The following CASC3 variants were observed in gnomAD, a reference collection of about 807,000 sequenced individuals.
CASC3 encodes the protein protein CASC3.
CASC3 carries 30 observed loss-of-function variants against 80.5 expected under a neutral mutation model. That is an observed-to-expected ratio of 0.37 (90% CI 0.28 to 0.51). The LOEUF (loss-of-function observed/expected upper bound fraction) is 0.51, where lower values mean the gene tolerates loss of function less well. Among genes scored for constraint, CASC3 ranks in the 20% least tolerant of loss-of-function variants. The probability of loss-of-function intolerance (pLI) is 0.94; values close to 1 mark genes in which losing one functional copy is unlikely to be tolerated. For synonymous variants in CASC3, 312 were observed against 333.6 expected (o/e 0.94, Z 0.70); for missense variants, 824 against 922.2 (o/e 0.89, Z 1.38).
chr17:40,156,063 A>G (rs925173532), intron 3 of CASC3, among the ~76,000 whole-genome samples: 23 of 152,250 alleles, frequency 1.5e-4, no homozygotes, highest in Non-Finnish European at 3.2e-4. Flanking sequence ...TGATAATACT[A>G]TTTAAAGGTA....
chr17:40,159,755 T>C (rs985329050), intron 3 of CASC3, among the ~76,000 whole-genome samples: 31 of 147,722 alleles, frequency 2.1e-4, no homozygotes, highest in African/African-American at 7.0e-4. Context: ...CTCACTCTTT[T>C]GCCCAGACTA....
At chr17:40,167,764 A>C in intron 9 of CASC3, 86 bp from the exon 10 acceptor site, 1 of 1,349,070 alleles carries the variant, frequency 7.4e-7, no homozygotes, top group Non-Finnish European at 1.1e-6. Flanking sequence ...AATATTGAGA[A>C]CATCTTTTAA....
In CASC3 at chr17:40,171,702, T is replaced by TA. The variant is rs1399190588; in HGVS notation, c.*1298dup. ...AAGAGATTCCTATTACTGCAGTACA[T>TA]ACGTCTGCCAGGGGTAACCTGGCCA... On this transcript the variant is annotated 3_prime_UTR_variant, in exon 14 of 14. Transcript: ENST00000264645. 8 of 1,110,228 alleles carry TA rather than the reference T, an allele frequency of 7.2e-6. No individual in the cohort carries two copies. The East Asian group carries it at 4.6e-4, about 63-fold the overall frequency. The allele number at this position is 1,110,228 out of a possible 1,614,324, so 68.8% of individuals were successfully genotyped here. A position where few individuals can be genotyped will look rare whatever the true frequency, so the allele number is the denominator to read the frequency against.
chr17:40,162,164 C>G lies in CASC3; in HGVS notation c.608+11C>G, dbSNP rs1307925707. 6.2e-7 allele frequency: 1 copy of G among 1,609,698 alleles called. No individual in the cohort carries two copies. The highest frequency in any genetic ancestry group is 1.7e-4 in the Middle Eastern group (1 of 6,030). On this transcript the variant is annotated intron_variant, in intron 5 of 13. Transcript: ENST00000264645. ...GGAGGAGGAAGTCAGGTAAAAGCCACTTGCTGCTGCTGCTGTCTAACATGT... is the reference window on the plus strand; with the variant it reads ...GGAGGAGGAAGTCAGGTAAAAGCCAGTTGCTGCTGCTGCTGTCTAACATGT...
In CASC3 at chr17:40,171,314, C is replaced by G. The variant is rs1449424948; in HGVS notation, c.*909C>G. Reference sequence around the variant, plus strand: ...CTTTGCCTTTAGGGGTGTGTATTCACATAGTCCTCAGGGCTCAGTCTTTTG... The same window carrying G: ...CTTTGCCTTTAGGGGTGTGTATTCAGATAGTCCTCAGGGCTCAGTCTTTTG... On this transcript the variant is annotated 3_prime_UTR_variant, in exon 14 of 14. Transcript: ENST00000264645. 1.0e-6 allele frequency: 1 copy of G among 985,856 alleles called. No homozygotes were observed. The highest frequency in any genetic ancestry group is 1.2e-6 in the Non-Finnish European group (1 of 829,966). 61.1% of individuals were successfully genotyped at this position (985,856 alleles called of 1,614,324 possible).
chr17:40,145,916 C>T (rs772633327), intron 3 of CASC3, among the ~76,000 whole-genome samples: 2 of 151,998 alleles, frequency 1.3e-5, no homozygotes, highest in Non-Finnish European at 2.9e-5. Flanking sequence ...CAAGCATGAG[C>T]CACTATGCTT....
chr17:40,141,002 G>A, intron 1 of CASC3: 1 of 633,640 alleles, frequency 1.6e-6, no homozygotes, highest in East Asian at 2.8e-5. Flanking sequence ...GCTGGAGATG[G>A]AAAGCGGATG....
chr17:40,171,515 A>G lies in CASC3; in HGVS notation c.*1110A>G. ...GTCTTTCCTGCTACAAGTGTTTTAG[A>G]TGTTACTACCTTATTTTCCCCGAAT... On this transcript the variant is annotated 3_prime_UTR_variant, in exon 14 of 14. Coordinates refer to ENST00000264645, the MANE Select transcript of CASC3 (RefSeq NM_007359.5). 1.0e-6 allele frequency: 1 copy of G among 988,680 alleles called. No individual in the cohort carries two copies. The highest frequency in any genetic ancestry group is 1.7e-5 in the African/African-American group (1 of 57,316). The allele number at this position is 988,680 out of a possible 1,614,324, so 61.2% of individuals were successfully genotyped here.
chr17:40,163,635 T>A lies in CASC3; in HGVS notation c.940T>A (p.Ser314Thr). 1 of 1,614,092 alleles carries A rather than the reference T, an allele frequency of 6.2e-7. No homozygotes were observed. The highest frequency in any genetic ancestry group is 8.5e-7 in the Non-Finnish European group (1 of 1,180,010). ...TGRMSAPRNY[S>T]RSGGFKEGRA... Reference sequence around the variant, plus strand: ...CCGTATGTCTGCACCCAGGAATTATTCTCGATCTGGGGGCTTCAAGGAAGG... The same window carrying A: ...CCGTATGTCTGCACCCAGGAATTATACTCGATCTGGGGGCTTCAAGGAAGG... Residue 314 changes from serine to threonine, a missense_variant, in exon 7 of 14, where the codon TCT becomes ACT. Ser to Thr is a moderately conservative substitution (Grantham distance 58). This residue lies in a region of CASC3 where 464 missense variants were observed against 506.0 expected (regional missense o/e 0.92). Transcript: ENST00000264645.
chr17:40,147,859 T>G (rs1417486687), intron 3 of CASC3, among the ~76,000 whole-genome samples: 1 of 152,206 alleles, frequency 6.6e-6, no homozygotes, highest in Non-Finnish European at 1.5e-5. Context: ...TTCTGAGTTC[T>G]CATTTCATTT....
intron 3 of CASC3, 139 bp downstream of exon 3, chr17:40,141,746 T>C: frequency 1.3e-6 from 1 of 773,242 alleles, no homozygotes; most frequent in Non-Finnish European, 2.2e-6. Context: ...GAAAAAGTGT[T>C]ACAGAAGGTC....
rs751730534 is a variant in CASC3 at position 40,164,037 on chromosome 17, A to G, written c.1342A>G (p.Thr448Ala). ...PETTPTPPTK[T>A]GTWEAPVDSS... ...AACCACCCCAACTCCACCTACTAAG[A>G]CTGGGACCTGGGAAGCTCCGGTGGA... The change falls in exon 7 of 14, where the codon ACT (threonine) becomes GCT (alanine). Residue 448 changes from threonine (T) to alanine (A), a missense_variant. Coordinates refer to ENST00000264645, the MANE Select transcript of CASC3 (RefSeq NM_007359.5). 1 of 1,613,966 alleles carries G rather than the reference A, an allele frequency of 6.2e-7. No homozygotes were observed. The highest frequency in any genetic ancestry group is 1.3e-5 in the African/African-American group (1 of 75,004).
In CASC3 at chr17:40,171,793, A is replaced by G; in HGVS notation, c.*1388A>G. 1 of 1,163,964 alleles carries G rather than the reference A, an allele frequency of 8.6e-7. No homozygotes were observed. The highest frequency in any genetic ancestry group is 6.0e-5 in the East Asian group (1 of 16,756). The allele number at this position is 1,163,964 out of a possible 1,614,324, so 72.1% of individuals were successfully genotyped here. On this transcript the variant is annotated 3_prime_UTR_variant, in exon 14 of 14. Transcript: ENST00000264645. ...GGCTGTGTCTCTCCCCGGTAATGTC[A>G]CTGTTTTTATTCCTTCCATCTAGCA...
At chr17:40,140,958 A>AAGG in intron 1 of CASC3, 179 bp downstream of exon 1, 1 of 641,246 alleles carries the variant, frequency 1.6e-6, no homozygotes, top group Non-Finnish European at 2.6e-6. Context: ...AGGGAAGAAG[A>AAGG]AGGATTGGGG....
At chr17:40,165,725 G>T (rs951839184) in intron 7 of CASC3, among the ~76,000 whole-genome samples, 3 of 139,888 alleles carry the variant, frequency 2.1e-5, no homozygotes, top group East Asian at 4.1e-4. Context: ...TTGTGTTTTT[G>T]TTGTTGTTGT....
intron 3 of CASC3, among the ~76,000 whole-genome samples, chr17:40,151,553 G>A (rs1220108619): frequency 1.3e-5 from 2 of 151,618 alleles, no homozygotes; most frequent in Admixed American, 1.3e-4. Flanking sequence ...ATTTAGCCAG[G>A]CGTGGTGGCG....
Position 40,166,866 on chromosome 17 carries a change from A to G in CASC3, c.1536+5A>G. 1 of 1,604,836 alleles carries G rather than the reference A, an allele frequency of 6.2e-7. No individual in the cohort carries two copies. ...TTTAACCGGATGGAAGAAATGGTAC[A>G]GAAGGGGAAAGGGGTAGATGGGGGA... is the stretch of plus-strand genomic sequence containing the variant. On this transcript the variant is annotated splice_donor_5th_base_variant and intron_variant, in intron 8 of 13. Coordinates refer to ENST00000264645, the MANE Select transcript of CASC3 (RefSeq NM_007359.5).
chr17:40,158,808 T>C (rs2145170903), intron 3 of CASC3, among the ~76,000 whole-genome samples: 1 of 152,262 alleles, frequency 6.6e-6, no homozygotes, highest in Non-Finnish European at 1.5e-5. Flanking sequence ...TTTTTGTAAT[T>C]ATGTGATTCT....
Position 40,167,867 on chromosome 17 carries a change from A to C in CASC3, c.1669A>C (p.Ile557Leu), listed in dbSNP as rs772486867. ...TCTTACAGTGCAGTTCCAGGGACCAATCTATACCCATGGTGACAGCCCTGC... is the reference window on the plus strand; with the variant it reads ...TCTTACAGTGCAGTTCCAGGGACCACTCTATACCCATGGTGACAGCCCTGC... ...YYDPLQFQGP[I>L]YTHGDSPAPL... is the part of the protein sequence containing the mutation. The change falls in exon 10 of 14, where the codon ATC becomes CTC. Residue 557 changes from isoleucine to leucine, a missense_variant. By Grantham distance (5) the Ile-to-Leu change is conservative. Around this residue, in one of 3 missense-constraint regions of CASC3, gnomAD observed 464 missense variants for 506.0 expected, o/e 0.92. Transcript: ENST00000264645. 1 of 1,614,008 alleles carries C rather than the reference A, an allele frequency of 6.2e-7. No individual in the cohort carries two copies. The highest frequency in any genetic ancestry group is 1.3e-5 in the African/African-American group (1 of 74,916).
Sources: gnomAD v4.1 joint callset for allele counts (sites outside exome capture counted in the v4.1 genomes callset) on GRCh38, gnomAD v4.1.1 for gene constraint, gnomAD v4.1.1 regional missense constraint, MANE v1.5 for transcripts, NCBI Gene and HGNC (gene_info 2026-07-23, HGNC 2026-07-21) for gene names.